The following AVL9 variants were observed in gnomAD, a reference collection of about 807,000 sequenced individuals.
The protein encoded by AVL9 is AVL9 cell migration associated, also known as late secretory pathway protein AVL9 homolog.
A neutral mutation model predicts 79.2 loss-of-function variants in AVL9; 49 were observed. The ratio of observed to expected loss-of-function variants is 0.62; its 90% confidence interval spans 0.49 to 0.79. The LOEUF is 0.79. AVL9 is among the 30% of genes least tolerant of loss of function. The probability of loss-of-function intolerance (pLI) is 0.00; values close to 1 mark genes in which losing one functional copy is unlikely to be tolerated. For synonymous variants in AVL9, 299 were observed against 280.6 expected, an observed-to-expected ratio of 1.07 and a Z score of -0.65; for missense variants, 682 against 776.8, an observed-to-expected ratio of 0.88 and a Z score of 1.45.
rs70992731 is a variant in AVL9, at chr7:32,566,180, A to ATCTT, written c.1216-3839_1216-3838insCTTT. Reference sequence around the variant, plus strand: ...TAAAAAAATTTTAATTATTATTATTATTTTTTTTTTTTGGAGACAAGGTCT... The same window carrying ATCTT: ...TAAAAAAATTTTAATTATTATTATTATCTTTTTTTTTTTTTTGGAGACAAGGTCT... On this transcript the variant is annotated intron_variant, in intron 10 of 15. Coordinates refer to ENST00000318709, the MANE Select transcript of AVL9 (RefSeq NM_015060.3). Among the ~76,000 whole-genome samples, 18 of 93,874 alleles carry ATCTT rather than the reference A, an allele frequency of 1.9e-4. 3 individuals are homozygous for ATCTT. The highest frequency in any genetic ancestry group is 3.3e-4 in the East Asian group (1 of 3,026). 61.6% of individuals were successfully genotyped at this position (93,874 alleles called of 152,430 possible). A position where few individuals can be genotyped will look rare whatever the true frequency, so the allele number is the denominator to read the frequency against.
At chr7:32,547,332 T>G (rs1413295875) in intron 3 of AVL9, among the ~76,000 whole-genome samples, 1 of 152,232 alleles carries the variant, frequency 6.6e-6, no homozygotes, top group Non-Finnish European at 1.5e-5. Context: ...TGTGCACAAA[T>G]AGGGAAACGC....
At chr7:32,559,548 A>G (rs1263423404) in intron 10 of AVL9, 84 bp downstream of exon 10, 1 of 1,410,230 alleles carries the variant, frequency 7.1e-7, no homozygotes, top group South Asian at 1.5e-5. Flanking sequence ...TTGGTATTCA[A>G]CACATTTTCA....
intron 1 of AVL9, chr7:32,533,011 G>GCTGTTTTTAAGT (rs1554337566): frequency 0.25 from 37,932 of 152,234 alleles, 5,624 homozygotes; most frequent in Admixed American, 0.42. Flanking sequence ...GCAAGACCCT[G>GCTGTTTTTAAGT]TCTCTTAAAA....
intron 3 of AVL9, 58 bp from the exon 4 acceptor site, chr7:32,548,789 A>C: frequency 8.1e-7 from 1 of 1,241,682 alleles, no homozygotes; most frequent in Non-Finnish European, 1.1e-6. Context: ...TGTTGAAAAA[A>C]TATTTTTGAA....
intron 1 of AVL9, among the ~76,000 whole-genome samples, chr7:32,499,022 GC>G (rs1583474764): frequency 0.24 from 34 of 144 alleles, 3 homozygotes; most frequent in African/African-American, 0.37. Context: ...AATTAGCTGC[GC>G]GTGGTGGCAC....
In AVL9 at chr7:32,576,035, A is replaced by G. The variant is rs781654517; in HGVS notation, c.1651A>G (p.Ser551Gly). Residue 551 changes from serine to glycine, a missense_variant, in exon 13 of 16, where the codon AGC becomes GGC. Physicochemically the swap from Ser to Gly is moderately conservative, Grantham distance 56 (BLOSUM62 0). Coordinates refer to ENST00000318709, the MANE Select transcript of AVL9 (RefSeq NM_015060.3). ...TACTCACAACTACAGGGTGTGGAAC[A>G]GCAACAAGCATCCAGCACTTGCAGA... ...KNTHNYRVWN[S>G]NKHPALAEIN... 1 of 1,614,102 alleles carries G rather than the reference A, an allele frequency of 6.2e-7. No homozygotes were observed.
intron 10 of AVL9, among the ~76,000 whole-genome samples, chr7:32,561,057 C>G (rs555601778): frequency 6.6e-6 from 1 of 152,242 alleles, no homozygotes; most frequent in South Asian, 2.1e-4. Flanking sequence ...CTTTGTTTTT[C>G]CATTCTAGAG....
At position 32,588,637 on chromosome 7, in the gene AVL9, T is replaced by C. The variant is rs973059154; in HGVS notation, c.*4730T>C. 2.6e-5 allele frequency: 4 copies of C among 152,326 alleles called. No homozygotes were observed. The highest frequency in any genetic ancestry group is 7.2e-5 in the African/African-American group (3 of 41,574). 9.4% of individuals were successfully genotyped at this position (152,326 alleles called of 1,614,324 possible). On this transcript the variant is annotated 3_prime_UTR_variant, in exon 16 of 16. Coordinates refer to ENST00000318709, the MANE Select transcript of AVL9 (RefSeq NM_015060.3). The stretch of plus-strand genomic sequence containing the variant: ...TAAAATTATAAATCACGTCTAATCA[T>C]ACTGAATTGTAAAACTTGAATTGTA...
At position 32,588,289 on chromosome 7, in the gene AVL9, T is replaced by C. The variant is rs1265020009; in HGVS notation, c.*4382T>C. 1 of 152,208 alleles carries C rather than the reference T, an allele frequency of 6.6e-6. No individual in the cohort carries two copies. Among genetic ancestry groups the C allele is most frequent in the African/African-American group, 2.4e-5 (1 of 41,448 alleles). 9.4% of individuals were successfully genotyped at this position (152,208 alleles called of 1,614,324 possible). On this transcript the variant is annotated 3_prime_UTR_variant, in exon 16 of 16. Transcript: ENST00000318709. Reference sequence around the variant, plus strand: ...GTGCTTAGAAAATATTTTGTTGTTTTCTTAAAATATTAGTATTTTGTAGCT... The same window carrying C: ...GTGCTTAGAAAATATTTTGTTGTTTCCTTAAAATATTAGTATTTTGTAGCT...
At chr7:32,528,879 G>A (rs548337229) in intron 1 of AVL9, among the ~76,000 whole-genome samples, 2 of 151,746 alleles carry the variant, frequency 1.3e-5, no homozygotes, top group Non-Finnish European at 2.9e-5. Flanking sequence ...GCATGGTGGC[G>A]GGCGCCTGTA....
intron 1 of AVL9, among the ~76,000 whole-genome samples, chr7:32,503,905 A>T (rs1050498836): frequency 1.3e-5 from 2 of 151,348 alleles, no homozygotes; most frequent in African/African-American, 4.9e-5. Flanking sequence ...CAGGTCTCAA[A>T]CTCCTGAGCT....
intron 12 of AVL9, among the ~76,000 whole-genome samples, chr7:32,573,878 A>C (rs1790969892): frequency 6.6e-6 from 1 of 152,232 alleles, no homozygotes; most frequent in South Asian, 2.1e-4. Context: ...TAAATGATTA[A>C]ATCTTCAAAT....
Position 32,554,538 on chromosome 7 carries a change from ATT to A in AVL9, c.571-12_571-11del. On this transcript the variant is annotated intron_variant, in intron 7 of 15. Transcript: ENST00000318709. ...CGTGAGTCTCTCATTTCAATACAAC[ATT>A]TTTTTTTCCTTTTGCAGGTCTTAAT... 5 of 1,478,054 alleles carry A rather than the reference ATT, an allele frequency of 3.4e-6. No individual in the cohort carries two copies. The highest frequency in any genetic ancestry group is 2.0e-5 in the Admixed American group (1 of 50,454). The allele number at this position is 1,478,054 out of a possible 1,614,324, so 91.6% of individuals were successfully genotyped here. A position where few individuals can be genotyped will look rare whatever the true frequency, so the allele number is the denominator to read the frequency against.
rs1791275936 is a variant in AVL9 at position 32,579,414 on chromosome 7, ATGT to A, written c.1689-803_1689-801del. Among the ~76,000 whole-genome samples, 2 of 7,872 alleles carry A rather than the reference ATGT, an allele frequency of 2.5e-4. 1 individual carries two copies. Among genetic ancestry groups the A allele is most frequent in the Non-Finnish European group, 4.6e-4 (2 of 4,394 alleles). 5.2% of individuals were successfully genotyped at this position (7,872 alleles called of 152,430 possible). On this transcript the variant is annotated intron_variant, in intron 13 of 15. Coordinates refer to ENST00000318709, the MANE Select transcript of AVL9 (RefSeq NM_015060.3). ...TTATATGTTATATATTATATATAAT[ATGT>A]TATATATATAATATATATATTATAT...
intron 1 of AVL9, among the ~76,000 whole-genome samples, chr7:32,517,822 G>T (rs79799218): frequency 4.7e-4 from 24 of 51,534 alleles, no homozygotes; most frequent in South Asian, 2.0e-3. Context: ...TTTTTTTTTT[G>T]TTTGTTTGTT....
chr7:32,544,094 A>C (rs1789351308), intron 2 of AVL9, among the ~76,000 whole-genome samples: 1 of 152,076 alleles, frequency 6.6e-6, no homozygotes, highest in African/African-American at 2.4e-5. Context: ...TGCTACAAAC[A>C]TGTGAATTAA....
At chr7:32,558,101 G>A (rs759278959) in intron 8 of AVL9, among the ~76,000 whole-genome samples, 41 of 148,946 alleles carry the variant, frequency 2.8e-4, no homozygotes, top group Non-Finnish European at 2.5e-4. Context: ...TTATCTGCCC[G>A]CCTTGGCCTC....
At chr7:32,499,307 A>G (rs1787012621) in intron 1 of AVL9, among the ~76,000 whole-genome samples, 1 of 151,736 alleles carries the variant, frequency 6.6e-6, no homozygotes, top group South Asian at 2.1e-4. Context: ...TACTTGTCGG[A>G]CTACCAAAAT....
At chr7:32,511,149 A>G (rs1423751982) in intron 1 of AVL9, among the ~76,000 whole-genome samples, 140 of 70,372 alleles carry the variant, frequency 2.0e-3, no homozygotes, top group Middle Eastern at 0.021. Context: ...GTCTGGTTGT[A>G]GGAGTCCACA....
Sources: allele counts gnomAD v4.1 joint callset (sites outside exome capture counted in the v4.1 genomes callset), GRCh38; gene constraint gnomAD v4.1.1; transcripts MANE v1.5; gene names NCBI Gene and HGNC (gene_info 2026-07-23, HGNC 2026-07-21).